The following PLEKHA7 variants were observed in gnomAD, a reference collection of about 807,000 sequenced individuals.
PLEKHA7 encodes pleckstrin homology domain-containing family A member 7.
PLEKHA7 carries 104 observed loss-of-function variants against 170.0 expected under a neutral mutation model. The observed-to-expected ratio is 0.61, with a 90% CI of 0.52 to 0.72. The LOEUF (loss-of-function observed/expected upper bound fraction) is 0.72. Ranked by LOEUF, PLEKHA7 falls within the 30% of genes least tolerant of loss-of-function variation. The pLI, the probability that PLEKHA7 is intolerant of heterozygous loss-of-function variation, is 0.00. For missense variants in PLEKHA7, 1,615 were observed against 1,671.7 expected (o/e 0.97, Z 0.59); for synonymous variants, 648 against 660.8 (o/e 0.98, Z 0.30).
intron 17 of PLEKHA7, among the ~76,000 whole-genome samples, chr11:16,800,386 A>AT (rs1351977046): frequency 3.3e-5 from 5 of 152,096 alleles, no homozygotes; most frequent in Admixed American, 3.3e-4. Context: ...GGGTGGCCTG[A>AT]TTTTTTAAGG....
intron 3 of PLEKHA7, among the ~76,000 whole-genome samples, chr11:16,922,682 C>T (rs1426089302): frequency 6.6e-6 from 1 of 152,186 alleles, no homozygotes; most frequent in South Asian, 2.1e-4. Flanking sequence ...ACCATCAGAG[C>T]ACCCTTCTCT....
chr11:16,916,946 C>A (rs762317522), intron 3 of PLEKHA7, among the ~76,000 whole-genome samples: 4 of 152,164 alleles, frequency 2.6e-5, no homozygotes, highest in Non-Finnish European at 5.9e-5. Flanking sequence ...AGGCCGGGCA[C>A]GGTGGCTCAC....
chr11:16,923,597 T>A (rs1004335981), intron 3 of PLEKHA7, among the ~76,000 whole-genome samples: 11 of 151,754 alleles, frequency 7.2e-5, no homozygotes, highest in Non-Finnish European at 1.6e-4. Flanking sequence ...GCAAACCAAG[T>A]CACTGAGAAA....
intron 4 of PLEKHA7, among the ~76,000 whole-genome samples, chr11:16,860,459 T>G (rs560308716): frequency 6.6e-6 from 1 of 152,102 alleles, no homozygotes; most frequent in Non-Finnish European, 1.5e-5. Context: ...CTGCAACAAG[T>G]GGTCACCAAG....
rs1848119938 is a variant in PLEKHA7, at chr11:16,794,969, G to C, written c.2459C>G (p.Ala820Gly). Reference sequence around the variant, plus strand: ...GTTCTCTTTATTTGCACTCAGGCCTGCAGTGACATCTTCAATTCTCCATAG... The same window carrying C: ...GTTCTCTTTATTTGCACTCAGGCCTCCAGTGACATCTTCAATTCTCCATAG... ...KDLWRIEDVT[A>G]GLSANKENFR... Residue 820 changes from alanine to glycine, a missense_variant, in exon 18 of 27, where the codon GCA becomes GGA. Coordinates refer to ENST00000531066, the MANE Select transcript of PLEKHA7 (RefSeq NM_001329630.2). 6.2e-7 allele frequency: 1 copy of C among 1,613,796 alleles called. No individual in the cohort carries two copies. The highest frequency in any genetic ancestry group is 1.3e-5 in the African/African-American group (1 of 74,834).
At chr11:16,904,767 A>G (rs1461642191) in intron 3 of PLEKHA7, among the ~76,000 whole-genome samples, 3 of 152,254 alleles carry the variant, frequency 2.0e-5, no homozygotes, top group Non-Finnish European at 2.9e-5. Flanking sequence ...TATACTTTGC[A>G]TATATTGCTT....
intron 3 of PLEKHA7, among the ~76,000 whole-genome samples, chr11:17,004,603 A>C (rs1406607233): frequency 6.6e-6 from 1 of 151,886 alleles, no homozygotes; most frequent in Admixed American, 6.6e-5. Context: ...ACATTGGCCA[A>C]GCTTGTCTTA....
intron 4 of PLEKHA7, among the ~76,000 whole-genome samples, chr11:16,861,528 A>T (rs1006847493): frequency 2.0e-5 from 3 of 152,168 alleles, no homozygotes; most frequent in Admixed American, 6.5e-5. Context: ...GCACGCCTGT[A>T]GTCCCACCTA....
chr11:16,936,400 T>TGAAAAA (rs1860297851), intron 3 of PLEKHA7, among the ~76,000 whole-genome samples: 1 of 4,776 alleles, frequency 2.1e-4, no homozygotes, highest in Non-Finnish European at 4.9e-4. Flanking sequence ...AGACTCTGTC[T>TGAAAAA]CAAAAAAAAA....
At chr11:16,785,017 T>C (rs915800507) in intron 24 of PLEKHA7, among the ~76,000 whole-genome samples, 6 of 152,220 alleles carry the variant, frequency 3.9e-5, no homozygotes, top group South Asian at 2.1e-4. Flanking sequence ...GAACAAGGTC[T>C]TGGGGCAGGG....
At chr11:16,829,156 T>C (rs557290356) in intron 9 of PLEKHA7, among the ~76,000 whole-genome samples, 2 of 151,426 alleles carry the variant, frequency 1.3e-5, no homozygotes, top group South Asian at 4.2e-4. Flanking sequence ...GGTGCATGCA[T>C]GTTTTAATTA....
intron 3 of PLEKHA7, among the ~76,000 whole-genome samples, chr11:16,903,888 T>C (rs573429869): frequency 1.3e-5 from 2 of 152,342 alleles, no homozygotes; most frequent in African/African-American, 4.8e-5. Context: ...CCTTTCAGTT[T>C]TTGTCCTTCT....
intron 3 of PLEKHA7, among the ~76,000 whole-genome samples, chr11:16,968,825 C>T (rs1862539179): frequency 1.3e-5 from 2 of 152,160 alleles, no homozygotes; most frequent in Admixed American, 6.5e-5. Flanking sequence ...CTATACACTG[C>T]AGACTTCTCA....
At chr11:17,004,066 T>C (rs1293809110) in intron 3 of PLEKHA7, among the ~76,000 whole-genome samples, 1 of 152,200 alleles carries the variant, frequency 6.6e-6, no homozygotes, top group Non-Finnish European at 1.5e-5. Context: ...ACATTTCTAT[T>C]TAGAACACAA....
intron 3 of PLEKHA7, among the ~76,000 whole-genome samples, chr11:16,995,748 A>G (rs1201913497): frequency 1.3e-5 from 2 of 152,166 alleles, no homozygotes; most frequent in Non-Finnish European, 2.9e-5. Flanking sequence ...TGCCCAGAGG[A>G]AGCAAGGCAT....
chr11:16,855,697 G>C lies in PLEKHA7; in HGVS notation c.417+106C>G, dbSNP rs1470705346. On this transcript the variant is annotated intron_variant, in intron 5 of 26. Transcript: ENST00000531066. The stretch of plus-strand genomic sequence containing the variant: ...CATTTGGGGAGAACACTTCTTATGG[G>C]TCTCTCTCACAAAACTATAGTGAAG... The C allele has an allele frequency of 4.8e-6, 4 of 830,500 alleles. No homozygotes were observed. The East Asian group carries it at 7.3e-5, about 15-fold the overall frequency. The allele number at this position is 830,500 out of a possible 1,614,324, so 51.4% of individuals were successfully genotyped here.
At chr11:16,966,445 G>A (rs2136667995) in intron 3 of PLEKHA7, among the ~76,000 whole-genome samples, 1 of 152,222 alleles carries the variant, frequency 6.6e-6, no homozygotes, top group African/African-American at 2.4e-5. Flanking sequence ...AGTCCACCCT[G>A]TGGAGCCCAT....
chr11:16,931,080 CAATT>C (rs553173840), intron 3 of PLEKHA7, among the ~76,000 whole-genome samples: 25 of 152,156 alleles, frequency 1.6e-4, no homozygotes, highest in Non-Finnish European at 2.1e-4. Context: ...TTTAATAAAA[CAATT>C]AATAAATAGC....
chr11:16,821,306 A>G (rs935067516), intron 10 of PLEKHA7, among the ~76,000 whole-genome samples: 3 of 151,990 alleles, frequency 2.0e-5, no homozygotes, highest in African/African-American at 7.3e-5. Flanking sequence ...TCTATCCCTC[A>G]CCCCAACATT....
Sources: gnomAD v4.1 joint callset for allele counts (sites outside exome capture counted in the v4.1 genomes callset) on GRCh38, gnomAD v4.1.1 for gene constraint, MANE v1.5 for transcripts, NCBI Gene and HGNC (gene_info 2026-07-23, HGNC 2026-07-21) for gene names.